Variants in GNA14 observed in about 807,000 individuals in gnomAD.
GNA14 encodes the protein G protein subunit alpha 14, also known as guanine nucleotide-binding protein subunit alpha-14.
A neutral mutation model predicts 42.0 loss-of-function variants in GNA14; 50 were observed. That is an observed-to-expected ratio of 1.19 (90% CI 0.95 to 1.51). The LOEUF (loss-of-function observed/expected upper bound fraction) is 1.51. GNA14 is among the 40% of genes most tolerant of loss of function. The probability of loss-of-function intolerance (pLI) is 0.00; values close to 1 mark genes in which losing one functional copy is unlikely to be tolerated. For missense variants in GNA14, 473 were observed against 446.2 expected, an observed-to-expected ratio of 1.06 and a Z score of -0.54; for synonymous variants, 173 against 163.1, an observed-to-expected ratio of 1.06 and a Z score of -0.46.
intron 2 of GNA14, among the ~76,000 whole-genome samples, chr9:77,472,860 G>A (rs1025937618): frequency 6.6e-6 from 1 of 151,488 alleles, no homozygotes; most frequent in African/African-American, 2.4e-5. Flanking sequence ...TGAACCATCT[G>A]CAAGCCAGGA....
intron 2 of GNA14, chr9:77,517,953 T>C (rs777363624): frequency 6.6e-6 from 1 of 152,074 alleles, no homozygotes; most frequent in Non-Finnish European, 1.5e-5. Context: ...TTGTATTATA[T>C]GAAGTAAAAC....
chr9:77,437,806 T>G (rs1325257108), intron 2 of GNA14, among the ~76,000 whole-genome samples: 1 of 152,210 alleles, frequency 6.6e-6, no homozygotes, highest in Non-Finnish European at 1.5e-5. Flanking sequence ...TCACTTGCCA[T>G]GCTGGATATG....
chr9:77,467,936 T>C (rs1047145628), intron 2 of GNA14, among the ~76,000 whole-genome samples: 16 of 152,200 alleles, frequency 1.1e-4, no homozygotes, highest in African/African-American at 3.9e-4. Context: ...AGATTTGTCT[T>C]GACCTATCTA....
chr9:77,550,962 C>T (rs1310488643), intron 1 of GNA14, among the ~76,000 whole-genome samples: 2 of 152,150 alleles, frequency 1.3e-5, no homozygotes, highest in Non-Finnish European at 2.9e-5. Flanking sequence ...GTTTTAAATT[C>T]AGTATGGAAT....
chr9:77,575,022 A>C (rs746328353), intron 1 of GNA14, among the ~76,000 whole-genome samples: 12 of 152,224 alleles, frequency 7.9e-5, no homozygotes, highest in Non-Finnish European at 1.5e-4. Context: ...GTTGCCAAGG[A>C]AACTTTTCTA....
intron 1 of GNA14, among the ~76,000 whole-genome samples, chr9:77,592,145 G>A (rs1374411778): frequency 1.3e-5 from 2 of 151,880 alleles, no homozygotes; most frequent in South Asian, 4.2e-4. Flanking sequence ...CTCGTGATCC[G>A]CCCGCCTCAG....
At chr9:77,505,669 G>A (rs75417618) in intron 2 of GNA14, among the ~76,000 whole-genome samples, 6,523 of 152,232 alleles carry the variant, frequency 0.043, 311 homozygotes, top group African/African-American at 0.11. Context: ...GAAATTTTCC[G>A]ATGTGACAAA....
chr9:77,443,270 T>C (rs1248401989), intron 2 of GNA14, among the ~76,000 whole-genome samples: 1 of 152,226 alleles, frequency 6.6e-6, no homozygotes, highest in Non-Finnish European at 1.5e-5. Context: ...AGAATATTTA[T>C]AAAAATACTT....
At chr9:77,478,951 A>T (rs1426099353) in intron 2 of GNA14, among the ~76,000 whole-genome samples, 4 of 151,952 alleles carry the variant, frequency 2.6e-5, no homozygotes, top group African/African-American at 9.7e-5. Flanking sequence ...GAGTAGGTTG[A>T]GAAAATTTTC....
chr9:77,626,843 A>C (rs2117992108), intron 1 of GNA14, among the ~76,000 whole-genome samples: 1 of 152,342 alleles, frequency 6.6e-6, no homozygotes, highest in African/African-American at 2.4e-5. Flanking sequence ...GCAAGAGCTA[A>C]CAAACTGAAA....
chr9:77,506,111 AT>A lies in GNA14; in HGVS notation c.309+22957del, dbSNP rs573173724. Among the ~76,000 whole-genome samples, 354 of 151,868 alleles carry A rather than the reference AT, an allele frequency of 2.3e-3. 3 individuals are homozygous for A. Among genetic ancestry groups the A allele is most frequent in the African/African-American group, 7.2e-3 (300 of 41,432 alleles). On this transcript the variant is annotated intron_variant, in intron 2 of 6. Coordinates refer to ENST00000341700, the MANE Select transcript of GNA14 (RefSeq NM_004297.4). ...AGACCCCATCCTCTACAAAAAAAAAATAATTAAATCAACAAATAAAATTAGC... is the reference window on the plus strand; with the variant it reads ...AGACCCCATCCTCTACAAAAAAAAAAAATTAAATCAACAAATAAAATTAGC...
intron 1 of GNA14, among the ~76,000 whole-genome samples, chr9:77,611,184 AC>A (rs1292797778): frequency 1.8e-4 from 27 of 152,282 alleles, no homozygotes; most frequent in African/African-American, 6.5e-4. Flanking sequence ...TGGAGATTTT[AC>A]CTTACTTGCA....
intron 1 of GNA14, among the ~76,000 whole-genome samples, chr9:77,610,750 TATA>T (rs1388446488): frequency 2.0e-5 from 3 of 152,192 alleles, no homozygotes; most frequent in African/African-American, 7.2e-5. Flanking sequence ...ATATTTCTGT[TATA>T]ATATTACAGA....
Position 77,531,063 on chromosome 9 carries a change from G to A in GNA14, c.125-1810C>T, listed in dbSNP as rs558117738. Among the ~76,000 whole-genome samples, 37 of 152,322 alleles carry A rather than the reference G, an allele frequency of 2.4e-4. No homozygotes were observed. The South Asian group carries it at 7.5e-3, about 31-fold the overall frequency. On this transcript the variant is annotated intron_variant, in intron 1 of 6. Transcript: ENST00000341700. ...GCCCTGCCTGCTTTAGGCCCTCAAA[G>A]TGCCTTGGATACCCAGAAGCAGCAC...
At chr9:77,609,758 A>T (rs537595878) in intron 1 of GNA14, among the ~76,000 whole-genome samples, 3 of 152,306 alleles carry the variant, frequency 2.0e-5, no homozygotes, top group South Asian at 4.1e-4. Context: ...AATCCTCAAA[A>T]TATGGCCCTT....
chr9:77,569,798 G>A (rs973905362), intron 1 of GNA14, among the ~76,000 whole-genome samples: 3 of 149,090 alleles, frequency 2.0e-5, no homozygotes, highest in African/African-American at 5.0e-5. Flanking sequence ...ACGGAGTTTC[G>A]CTCTTTCACC....
intron 2 of GNA14, among the ~76,000 whole-genome samples, chr9:77,445,673 C>T (rs7038984): frequency 0.16 from 24,949 of 151,824 alleles, 2,259 homozygotes; most frequent in East Asian, 0.36. Context: ...ACCTAGGAGT[C>T]GGAGGCTGGA....
At chr9:77,641,825 T>TCAAAGTAAATGTACAGTACACTTA (rs1564073787) in intron 1 of GNA14, among the ~76,000 whole-genome samples, 1 of 152,132 alleles carries the variant, frequency 6.6e-6, no homozygotes, top group Non-Finnish European at 1.5e-5. Context: ...TACAGACCTT[T>TCAAAGTAAATGTACAGTACACTTA]CATAAGTGTA....
At chr9:77,620,531 T>A (rs1461730718) in intron 1 of GNA14, among the ~76,000 whole-genome samples, 1 of 152,204 alleles carries the variant, frequency 6.6e-6, no homozygotes, top group Admixed American at 6.5e-5. Flanking sequence ...CATATTAAGT[T>A]TTCCTAATCA....
Sources: gnomAD v4.1 joint callset for allele counts (sites outside exome capture counted in the v4.1 genomes callset) on GRCh38, gnomAD v4.1.1 for gene constraint, MANE v1.5 for transcripts, NCBI Gene and HGNC (gene_info 2026-07-23, HGNC 2026-07-21) for gene names.